Variants in ADCY8 observed in about 807,000 individuals in gnomAD.
ADCY8 encodes adenylate cyclase type 8.
In ADCY8, 51 loss-of-function variants were observed where a neutral mutation model predicts 119.7. The ratio of observed to expected loss-of-function variants is 0.43; its 90% CI spans 0.34 to 0.54. The LOEUF is 0.54. ADCY8 is among the 20% of genes least tolerant of loss of function. The probability of loss-of-function intolerance (pLI) is 0.03; values close to 1 mark genes in which losing one functional copy is unlikely to be tolerated. For missense variants in ADCY8, 1,383 were observed against 1,598.8 expected (o/e 0.87, Z 2.30); for synonymous variants, 665 against 651.0 (o/e 1.02, Z -0.33).
chr8:130,837,337 C>T (rs1817020727), intron 11 of ADCY8, among the ~76,000 whole-genome samples: 1 of 152,142 alleles, frequency 6.6e-6, no homozygotes. Flanking sequence ...AACCCTTCTC[C>T]CAAGTCCCAG....
At chr8:130,988,414 C>T (rs146212630) in intron 2 of ADCY8, among the ~76,000 whole-genome samples, 1 of 152,334 alleles carries the variant, frequency 6.6e-6, no homozygotes, top group East Asian at 1.9e-4. Flanking sequence ...GAACCTTCCA[C>T]AAAAGATAGC....
intron 11 of ADCY8, among the ~76,000 whole-genome samples, chr8:130,844,234 G>T (rs537908719): frequency 1.3e-5 from 2 of 152,182 alleles, no homozygotes; most frequent in South Asian, 4.2e-4. Context: ...GACACTCTGG[G>T]TTTGTGCATG....
chr8:130,783,348 G>A (rs1815146434), intron 17 of ADCY8, among the ~76,000 whole-genome samples: 1 of 152,184 alleles, frequency 6.6e-6, no homozygotes, highest in South Asian at 2.1e-4. Flanking sequence ...AGCTACCCAG[G>A]AGTCAGAATT....
chr8:130,909,635 C>A (rs2130549814), intron 6 of ADCY8, 73 bp downstream of exon 6: 1 of 1,563,608 alleles, frequency 6.4e-7, no homozygotes, highest in African/African-American at 1.3e-5. Flanking sequence ...AATTTCTGTA[C>A]ACAGGAAACC....
Position 131,034,454 on chromosome 8 carries a change from A to T in ADCY8, c.960+4920T>A, listed in dbSNP as rs981936307. ...TACACCACTATCTTATCCAGCACAA[A>T]GAAAAAAAAATTTCCCCTAAAGGAT... On this transcript the variant is annotated intron_variant, in intron 1 of 17. Transcript: ENST00000286355. Among the ~76,000 whole-genome samples the T allele has an allele frequency of 3.6e-4, 55 of 152,212 alleles. 1 individual carries two copies. Among genetic ancestry groups the T allele is most frequent in the Admixed American group, 3.3e-4 (5 of 15,276 alleles).
At chr8:130,882,644 C>A (rs1383277938) in intron 8 of ADCY8, among the ~76,000 whole-genome samples, 1 of 152,176 alleles carries the variant, frequency 6.6e-6, no homozygotes, top group Admixed American at 6.5e-5. Context: ...ATAGTAGTTT[C>A]TCCATGTCAC....
chr8:130,985,576 A>G (rs1053205415), intron 2 of ADCY8, among the ~76,000 whole-genome samples: 1 of 152,196 alleles, frequency 6.6e-6, no homozygotes, highest in African/African-American at 2.4e-5. Flanking sequence ...AGACCCATCT[A>G]GTTGGAGCAG....
chr8:130,860,453 G>C (rs945324230), intron 9 of ADCY8, among the ~76,000 whole-genome samples: 1 of 151,894 alleles, frequency 6.6e-6, no homozygotes. Context: ...TAATTTTGGT[G>C]GTGTGTCTTA....
At chr8:130,905,497 G>T (rs1819752959) in intron 6 of ADCY8, among the ~76,000 whole-genome samples, 1 of 152,166 alleles carries the variant, frequency 6.6e-6, no homozygotes, top group African/African-American at 2.4e-5. Context: ...TTGAATGAAA[G>T]AATGCTTAAT....
At chr8:130,949,750 T>C (rs1327141169) in intron 3 of ADCY8, 1 of 152,228 alleles carries the variant, frequency 6.6e-6, no homozygotes, top group African/African-American at 2.4e-5. Flanking sequence ...TTTTATGATC[T>C]CTTGGCATTT....
chr8:130,944,372 T>C (rs190091307), intron 3 of ADCY8, among the ~76,000 whole-genome samples: 4 of 152,216 alleles, frequency 2.6e-5, no homozygotes, highest in Non-Finnish European at 5.9e-5. Context: ...TCATTTCTCA[T>C]TTTTCATCCT....
intron 2 of ADCY8, among the ~76,000 whole-genome samples, chr8:130,975,202 A>G (rs1378501382): frequency 2.0e-5 from 3 of 152,342 alleles, no homozygotes; most frequent in South Asian, 2.1e-4. Context: ...TCTAAAATTC[A>G]TCAGGCCCTT....
intron 2 of ADCY8, among the ~76,000 whole-genome samples, chr8:130,968,308 T>C (rs1821823834): frequency 1.3e-5 from 2 of 152,026 alleles, no homozygotes; most frequent in African/African-American, 4.8e-5. Flanking sequence ...TAGCTGGGAC[T>C]ACAGGCGCCC....
chr8:130,991,133 T>C (rs1822565870), intron 1 of ADCY8, among the ~76,000 whole-genome samples: 1 of 152,234 alleles, frequency 6.6e-6, no homozygotes, highest in Non-Finnish European at 1.5e-5. Context: ...GACTCTTAAA[T>C]TGGGCTTCCT....
intron 7 of ADCY8, among the ~76,000 whole-genome samples, chr8:130,885,734 G>A (rs955792856): frequency 1.3e-5 from 2 of 152,040 alleles, no homozygotes; most frequent in Non-Finnish European, 2.9e-5. Flanking sequence ...CCTTCCAATA[G>A]ATCTTCTTGA....
Position 130,951,883 on chromosome 8 carries a change from C to G in ADCY8, c.1226G>C (p.Arg409Pro), listed in dbSNP as rs756790618. 6.2e-6 allele frequency: 10 copies of G among 1,613,984 alleles called. No individual in the cohort carries two copies. In the South Asian group the frequency reaches 1.1e-4, roughly 18 times the overall value. Residue 409 changes from arginine (R) to proline (P), a missense_variant, in exon 3 of 18, where the codon CGC becomes CCC. By Grantham distance (103) the Arg-to-Pro change is moderately radical. This residue lies in a region of ADCY8 where 928 missense variants were observed against 1,163.5 expected (regional missense o/e 0.80). Coordinates refer to ENST00000286355, the MANE Select transcript of ADCY8 (RefSeq NM_001115.3). ...TGTTTCTCACCTGACGTTCTCATAG[C>G]GATGGATGTAGATCCGATGGAACTG... ...QHQFHRIYIH[R>P]YENVSILFAD...
intron 14 of ADCY8, among the ~76,000 whole-genome samples, chr8:130,802,325 T>G (rs2130118727): frequency 6.6e-6 from 1 of 152,338 alleles, no homozygotes. Context: ...TCTAAACATA[T>G]TTGCTCCTAC....
At position 130,798,796 on chromosome 8, in the gene ADCY8, C is replaced by T. The variant is rs114926573; in HGVS notation, c.3060+1630G>A. Among the ~76,000 whole-genome samples the T allele has an allele frequency of 9.0e-3, 1,364 of 152,172 alleles. 19 individuals are homozygous for T. Among genetic ancestry groups the T allele is most frequent in the African/African-American group, 0.03 (1,260 of 41,500 alleles). On this transcript the variant is annotated intron_variant, in intron 15 of 17. Transcript: ENST00000286355. ...TAAGAAAGTTGATGAGATGTCTGCA[C>T]GCCCATGTTCATCTCAGCATGTTCA...
At chr8:130,955,295 T>C (rs1821393964) in intron 2 of ADCY8, among the ~76,000 whole-genome samples, 1 of 152,176 alleles carries the variant, frequency 6.6e-6, no homozygotes, top group South Asian at 2.1e-4. Context: ...AAATAACTCA[T>C]TGTAGATGAA....
Sources: gnomAD v4.1 joint callset for allele counts (sites outside exome capture counted in the v4.1 genomes callset) on GRCh38, gnomAD v4.1.1 for gene constraint, gnomAD v4.1.1 regional missense constraint, MANE v1.5 for transcripts, NCBI Gene and HGNC (gene_info 2026-07-23, HGNC 2026-07-21) for gene names.